RALGPS2: variants seen among roughly 807,000 people sequenced by gnomAD.
RALGPS2 encodes the protein ras-specific guanine nucleotide-releasing factor RalGPS2.
RALGPS2 carries 43 observed loss-of-function variants against 86.8 expected under a neutral mutation model. The ratio of observed to expected loss-of-function variants is 0.50; its 90% CI spans 0.39 to 0.64. RALGPS2 has a LOEUF of 0.64. Among genes scored for constraint, RALGPS2 ranks in the 30% least tolerant of loss-of-function variants. RALGPS2 has a pLI of 0.00. For missense variants in RALGPS2, 536 were observed against 694.6 expected (o/e 0.77, Z 2.57); for synonymous variants, 243 against 231.3 (o/e 1.05, Z -0.46).
intron 6 of RALGPS2, among the ~76,000 whole-genome samples, chr1:178,820,788 G>T (rs1655460285): frequency 6.6e-6 from 1 of 152,056 alleles, no homozygotes; most frequent in Non-Finnish European, 1.5e-5. Context: ...TTGGATGAGG[G>T]TTTATATTAT....
chr1:178,830,454 A>G (rs1391816080), intron 7 of RALGPS2, among the ~76,000 whole-genome samples: 1 of 152,200 alleles, frequency 6.6e-6, no homozygotes, highest in African/African-American at 2.4e-5. Flanking sequence ...CGTGTATGAC[A>G]GAGGTGGCAT....
intron 18 of RALGPS2, among the ~76,000 whole-genome samples, chr1:178,903,549 T>C (rs559774111): frequency 3.9e-5 from 6 of 152,298 alleles, no homozygotes; most frequent in South Asian, 2.1e-4. Flanking sequence ...ATCATTCTTA[T>C]GCTTTTGCAT....
intron 4 of RALGPS2, among the ~76,000 whole-genome samples, chr1:178,798,689 G>A (rs1309548292): frequency 3.3e-5 from 5 of 152,058 alleles, no homozygotes; most frequent in Admixed American, 6.5e-5. Flanking sequence ...ACACCAGCAG[G>A]TATGGAAACC....
chr1:178,747,173 G>T, intron 1 of RALGPS2: 3 of 1,046,116 alleles, frequency 2.9e-6, no homozygotes, highest in Non-Finnish European at 4.5e-6. Flanking sequence ...CAGAGAGAAG[G>T]TGCTGGAGCG....
chr1:178,745,157 G>T (rs1339209053), intron 1 of RALGPS2, among the ~76,000 whole-genome samples: 1 of 152,194 alleles, frequency 6.6e-6, no homozygotes, highest in Non-Finnish European at 1.5e-5. Flanking sequence ...GTTTATGGGT[G>T]AGAAGACTCG....
chr1:178,906,739 A>G (rs1437326497), intron 18 of RALGPS2, 37 bp from the exon 19 acceptor site: 9 of 1,532,490 alleles, frequency 5.9e-6, no homozygotes, highest in Non-Finnish European at 7.2e-6. Flanking sequence ...TCGTCCTTAC[A>G]TTTTTAATAT....
intron 19 of RALGPS2, among the ~76,000 whole-genome samples, chr1:178,908,183 C>T (rs955463111): frequency 3.9e-5 from 6 of 152,140 alleles, no homozygotes; most frequent in Admixed American, 3.3e-4. Flanking sequence ...TGAGAACATG[C>T]AGTATTTGGT....
chr1:178,734,266 T>A (rs528033888), intron 1 of RALGPS2, among the ~76,000 whole-genome samples: 1 of 152,316 alleles, frequency 6.6e-6, no homozygotes, highest in South Asian at 2.1e-4. Context: ...GGAATGTAAA[T>A]GGATGTGGCT....
intron 15 of RALGPS2, among the ~76,000 whole-genome samples, chr1:178,893,291 G>T (rs1659795697): frequency 6.6e-6 from 1 of 150,532 alleles, no homozygotes; most frequent in African/African-American, 2.4e-5. Context: ...CTTGAGTTTT[G>T]GGTTTTTTCC....
At chr1:178,892,337 G>T in intron 15 of RALGPS2, 30 bp downstream of exon 15, 1 of 1,587,176 alleles carries the variant, frequency 6.3e-7, no homozygotes. Context: ...AGGGGTCACA[G>T]AACTCCCTTA....
rs1653102957 is a variant in RALGPS2, at chr1:178,776,711, G to C, written c.-54G>C. On this transcript the variant is annotated 5_prime_UTR_variant, in exon 2 of 20. Transcript: ENST00000367635. The stretch of plus-strand genomic sequence containing the variant: ...AATGTATTTGTGGCCTTGGACATGA[G>C]GCAGTCAGTCCTCTGTTGCTGTTAA... 1.5e-6 allele frequency: 2 copies of C among 1,348,828 alleles called. No homozygotes were observed. The highest frequency in any genetic ancestry group is 2.1e-6 in the Non-Finnish European group (2 of 967,222). 83.6% of individuals were successfully genotyped at this position (1,348,828 alleles called of 1,614,324 possible).
At chr1:178,746,896 T>G in intron 1 of RALGPS2, 2 of 1,130,774 alleles carry the variant, frequency 1.8e-6, no homozygotes, top group Non-Finnish European at 2.7e-6. Context: ...CTAGACCTAT[T>G]CTGTTCCTAT....
At chr1:178,821,785 T>C in intron 7 of RALGPS2, 81 bp downstream of exon 7, 3 of 1,063,332 alleles carry the variant, frequency 2.8e-6, no homozygotes, top group Admixed American at 2.2e-5. Context: ...GTAATTCTTA[T>C]TAAAGTTAAT....
chr1:178,773,685 A>G (rs1420355922), intron 1 of RALGPS2, among the ~76,000 whole-genome samples: 1 of 151,690 alleles, frequency 6.6e-6, no homozygotes, highest in East Asian at 2.0e-4. Flanking sequence ...AGTCCCAGCT[A>G]CTCAGGAGGC....
intron 8 of RALGPS2, 140 bp from the exon 9 acceptor site, chr1:178,877,357 GC>G: frequency 2.3e-6 from 3 of 1,284,738 alleles, no homozygotes; most frequent in Non-Finnish European, 3.1e-6. Context: ...TGTTACCCAG[GC>G]TTCAGTGTAT....
chr1:178,820,012 C>G (rs1471458287), intron 6 of RALGPS2, among the ~76,000 whole-genome samples: 6 of 152,180 alleles, frequency 3.9e-5, no homozygotes, highest in Non-Finnish European at 7.3e-5. Context: ...TGGTATAGTT[C>G]ATATACCATC....
intron 1 of RALGPS2, among the ~76,000 whole-genome samples, chr1:178,773,041 A>G (rs145443263): frequency 0.029 from 4,380 of 152,284 alleles, 208 homozygotes; most frequent in African/African-American, 0.1. Context: ...ACCTCAGGTA[A>G]TCCACCTGTC....
chr1:178,864,903 A>G (rs1658282548), intron 8 of RALGPS2: 2 of 1,242,452 alleles, frequency 1.6e-6, no homozygotes, highest in South Asian at 5.1e-5. Flanking sequence ...TTCATAAGGC[A>G]TAAAAATATA....
rs750061473 is a variant in RALGPS2 at position 178,774,183 on chromosome 1, G to C, written c.-83-2499G>C. Among the ~76,000 whole-genome samples, 94 of 152,126 alleles carry C rather than the reference G, an allele frequency of 6.2e-4. 1 individual carries two copies. Among genetic ancestry groups the C allele is most frequent in the Non-Finnish European group, 5.9e-4 (40 of 68,022 alleles). On this transcript the variant is annotated intron_variant, in intron 1 of 19. Transcript: ENST00000367635. ...CCAGCTACTCAGGAGGCTGAGGCTG[G>C]AGAATTGCTTGAACCTGGGAGGCGG... is the stretch of plus-strand genomic sequence containing the variant.
Sources: gnomAD v4.1 joint callset for allele counts (sites outside exome capture counted in the v4.1 genomes callset) on GRCh38, gnomAD v4.1.1 for gene constraint, MANE v1.5 for transcripts, NCBI Gene and HGNC (gene_info 2026-07-23, HGNC 2026-07-21) for gene names.